PLCL1: variants seen among roughly 807,000 people sequenced by gnomAD.
The protein encoded by PLCL1 is inactive phospholipase C-like protein 1.
In PLCL1, 41 loss-of-function variants were observed where a neutral mutation model predicts 84.4. The ratio of observed to expected loss-of-function variants is 0.49; its 90% CI spans 0.38 to 0.63. PLCL1 has a LOEUF of 0.63. Ranked by LOEUF, PLCL1 falls within the 30% of genes least tolerant of loss-of-function variation. The pLI is 0.00. For missense variants in PLCL1, 1,206 were observed against 1,367.8 expected (o/e 0.88, Z 1.87); for synonymous variants, 490 against 488.3 (o/e 1.00, Z -0.05).
In PLCL1 at chr2:198,009,534, G is replaced by A. The variant is rs545140080; in HGVS notation, c.241-74224G>A. 3.9e-5 allele frequency among the ~76,000 whole-genome samples: 6 copies of A among 151,940 alleles called. No homozygotes were observed. The South Asian group carries it at 6.2e-4, about 16-fold the overall frequency. On this transcript the variant is annotated intron_variant, in intron 1 of 5. Coordinates refer to ENST00000428675, the MANE Select transcript of PLCL1 (RefSeq NM_006226.4). ...ATTTCTGGGCTCTCTATTTTACTCCGTTGGTTTATGTATCTTACTTTAGGC... is the reference window on the plus strand; with the variant it reads ...ATTTCTGGGCTCTCTATTTTACTCCATTGGTTTATGTATCTTACTTTAGGC...
In PLCL1 at chr2:198,063,363, C is replaced by T. The variant is rs370516520; in HGVS notation, c.241-20395C>T. Among the ~76,000 whole-genome samples the T allele has an allele frequency of 4.6e-5, 7 of 152,028 alleles. No homozygotes were observed. In the East Asian group the frequency reaches 1.4e-3, roughly 29 times the overall value. On this transcript the variant is annotated intron_variant, in intron 1 of 5. Coordinates refer to ENST00000428675, the MANE Select transcript of PLCL1 (RefSeq NM_006226.4). ...TTCAAGGGAGAGTGAGTGGTCTGCA[C>T]AGTAATAACTGTGTCCTAGAATAAC... is the stretch of plus-strand genomic sequence containing the variant.
At chr2:198,018,014 A>G (rs538360447) in intron 1 of PLCL1, among the ~76,000 whole-genome samples, 1 of 152,204 alleles carries the variant, frequency 6.6e-6, no homozygotes, top group Admixed American at 6.5e-5. Flanking sequence ...TGATTTTTGC[A>G]TTTCCAACTG....
At chr2:197,956,041 G>T (rs1574967597) in intron 1 of PLCL1, among the ~76,000 whole-genome samples, 1 of 151,184 alleles carries the variant, frequency 6.6e-6, no homozygotes, top group African/African-American at 2.4e-5. Context: ...TCATTGTTCA[G>T]CTCCCACTTA....
At position 197,949,391 on chromosome 2, in the gene PLCL1, C is replaced by T. The variant is rs138993628; in HGVS notation, c.241-134367C>T. Among the ~76,000 whole-genome samples the T allele has an allele frequency of 1.4e-3, 208 of 152,242 alleles. 1 individual carries two copies. The highest frequency in any genetic ancestry group is 4.4e-3 in the African/African-American group (183 of 41,560). On this transcript the variant is annotated intron_variant, in intron 1 of 5. Coordinates refer to ENST00000428675, the MANE Select transcript of PLCL1 (RefSeq NM_006226.4). ...GAAATGGACATCTGCACTCATTTGTCCTTATCAACCCCATCCAGGGACAAG... is the reference window on the plus strand; with the variant it reads ...GAAATGGACATCTGCACTCATTTGTTCTTATCAACCCCATCCAGGGACAAG...
intron 1 of PLCL1, among the ~76,000 whole-genome samples, chr2:197,887,396 C>T (rs972492200): frequency 6.6e-6 from 1 of 151,990 alleles, no homozygotes; most frequent in African/African-American, 2.4e-5. Flanking sequence ...TTTTTCTTTG[C>T]TCACATAAAT....
At chr2:197,989,766 T>C (rs1690298741) in intron 1 of PLCL1, among the ~76,000 whole-genome samples, 1 of 151,968 alleles carries the variant, frequency 6.6e-6, no homozygotes, top group Admixed American at 6.6e-5. Flanking sequence ...TTACTTTCAG[T>C]GGAGTTTGTA....
rs543212761 is a variant in PLCL1 at position 198,098,714 on chromosome 2, G to A, written c.2920-2571G>A. Among the ~76,000 whole-genome samples the A allele has an allele frequency of 9.9e-4, 150 of 152,246 alleles. 1 individual carries two copies. Among genetic ancestry groups the A allele is most frequent in the African/African-American group, 3.5e-3 (145 of 41,546 alleles). ...TTTTGAGTCCTAATATGACGAAAGT[G>A]CATCTTTTCAGTATTATTAAATAAT... On this transcript the variant is annotated intron_variant, in intron 3 of 5. Coordinates refer to ENST00000428675, the MANE Select transcript of PLCL1 (RefSeq NM_006226.4).
chr2:197,993,841 G>C (rs1379018857), intron 1 of PLCL1, among the ~76,000 whole-genome samples: 1 of 152,192 alleles, frequency 6.6e-6, no homozygotes, highest in Non-Finnish European at 1.5e-5. Flanking sequence ...CTTGGGCATA[G>C]AGCAGGATAG....
chr2:197,888,903 A>G (rs1186094211), intron 1 of PLCL1, among the ~76,000 whole-genome samples: 1 of 152,202 alleles, frequency 6.6e-6, no homozygotes, highest in Non-Finnish European at 1.5e-5. Flanking sequence ...ATTATATGAT[A>G]CTAGTATTGA....
At chr2:198,025,253 T>C (rs963134001) in intron 1 of PLCL1, among the ~76,000 whole-genome samples, 3 of 152,148 alleles carry the variant, frequency 2.0e-5, no homozygotes, top group African/African-American at 2.4e-5. Flanking sequence ...ACTTATTTCT[T>C]TTTAAAAGCA....
At chr2:197,853,788 T>C (rs1372388088) in intron 1 of PLCL1, among the ~76,000 whole-genome samples, 2 of 152,224 alleles carry the variant, frequency 1.3e-5, no homozygotes, top group Non-Finnish European at 2.9e-5. Context: ...TATGCTTTTA[T>C]GGCACCTCTA....
intron 1 of PLCL1, among the ~76,000 whole-genome samples, chr2:198,057,693 A>G (rs770795244): frequency 6.6e-6 from 1 of 152,212 alleles, no homozygotes; most frequent in South Asian, 2.1e-4. Flanking sequence ...TTTCTATCAT[A>G]CTACCACCAA....
intron 1 of PLCL1, among the ~76,000 whole-genome samples, chr2:197,999,835 A>G (rs1488079885): frequency 1.3e-5 from 2 of 152,144 alleles, no homozygotes; most frequent in Admixed American, 1.3e-4. Context: ...CATATTGTAT[A>G]TGTAATACGT....
intron 5 of PLCL1, among the ~76,000 whole-genome samples, chr2:198,115,243 A>G (rs910757387): frequency 6.6e-6 from 1 of 151,878 alleles, no homozygotes; most frequent in Non-Finnish European, 1.5e-5. Flanking sequence ...AAGCCTAATT[A>G]AAGTTTGGCC....
rs200363254 is a variant in PLCL1, at chr2:198,085,833, C to T, written c.2316C>T (p.Asn772=). 1.9e-6 allele frequency: 3 copies of T among 1,614,118 alleles called. No individual in the cohort carries two copies. The South Asian group carries it at 3.3e-5, about 18-fold the overall frequency. Residue 772 remains asparagine (N), a synonymous_variant, in exon 2 of 6, where the codon AAC becomes AAT. Coordinates refer to ENST00000428675, the MANE Select transcript of PLCL1 (RefSeq NM_006226.4). This position sits in a 1 kb window ranked among gnomAD's most constrained non-coding sequence, Gnocchi z 5.3. ...SEQRTKTVQQ[N]SDNPIFDETF... is the part of the protein sequence containing the mutation. ...AAAGAACTAAAACTGTACAGCAAAACAGTGATAATCCTATTTTTGATGAAA... is the reference window on the plus strand; with the variant it reads ...AAAGAACTAAAACTGTACAGCAAAATAGTGATAATCCTATTTTTGATGAAA...
chr2:197,819,037 A>G (rs1200269668), intron 1 of PLCL1, among the ~76,000 whole-genome samples: 3 of 152,126 alleles, frequency 2.0e-5, no homozygotes, highest in African/African-American at 7.2e-5. Context: ...GGAATAAGCA[A>G]CTTCATAGAG....
intron 1 of PLCL1, among the ~76,000 whole-genome samples, chr2:197,978,977 G>A (rs1690047063): frequency 6.6e-6 from 1 of 152,258 alleles, no homozygotes; most frequent in African/African-American, 2.4e-5. Context: ...TAATAACAGA[G>A]TGACGCTATT....
At chr2:198,078,718 A>G (rs1175765193) in intron 1 of PLCL1, among the ~76,000 whole-genome samples, 1 of 152,120 alleles carries the variant, frequency 6.6e-6, no homozygotes, top group Non-Finnish European at 1.5e-5. Flanking sequence ...GTTTGCTTAA[A>G]AAAAACTTGC....
At chr2:198,042,827 A>C (rs953755016) in intron 1 of PLCL1, among the ~76,000 whole-genome samples, 3 of 152,192 alleles carry the variant, frequency 2.0e-5, no homozygotes, top group African/African-American at 7.2e-5. Context: ...GCCACCAGTT[A>C]TTTGAGAGGA....
Sources: allele counts gnomAD v4.1 joint callset (sites outside exome capture counted in the v4.1 genomes callset), GRCh38; gene constraint gnomAD v4.1.1; non-coding constraint Gnocchi (gnomAD v3.1); transcripts MANE v1.5; gene names NCBI Gene and HGNC (gene_info 2026-07-23, HGNC 2026-07-21).